Variants in ITPKB observed in about 807,000 individuals in gnomAD.
ITPKB encodes inositol-trisphosphate 3-kinase B.
A neutral mutation model predicts 69.4 loss-of-function variants in ITPKB; 13 were observed. That is an observed-to-expected ratio of 0.19 (90% CI 0.12 to 0.30). The LOEUF (loss-of-function observed/expected upper bound fraction) is 0.30. Ranked by LOEUF, ITPKB falls within the 10% of genes least tolerant of loss-of-function variation. ITPKB has a pLI of 1.00. For missense variants in ITPKB, 1,240 were observed against 1,250.5 expected (o/e 0.99, Z 0.13); for synonymous variants, 584 against 513.7 (o/e 1.14, Z -1.85).
intron 2 of ITPKB, among the ~76,000 whole-genome samples, chr1:226,732,540 CTTTTGTTTT>C (rs1657621619): frequency 1.4e-5 from 2 of 142,206 alleles, no homozygotes; most frequent in African/African-American, 5.3e-5. Flanking sequence ...GCCCAGCGTT[CTTTTGTTTT>C]TTTTTTTTTT....
intron 2 of ITPKB, among the ~76,000 whole-genome samples, chr1:226,673,461 C>CT (rs1669661512): frequency 6.6e-6 from 1 of 152,170 alleles, no homozygotes; most frequent in Admixed American, 6.5e-5. Flanking sequence ...TTACGGAAGG[C>CT]TAACACAAGG....
chr1:226,638,073 G>T (rs966687244), intron 6 of ITPKB, among the ~76,000 whole-genome samples: 1 of 152,192 alleles, frequency 6.6e-6, no homozygotes, highest in Non-Finnish European at 1.5e-5. Flanking sequence ...AGCTCTGTGG[G>T]TCTCACCCCC....
chr1:226,709,824 G>A (rs1656898592), intron 2 of ITPKB, among the ~76,000 whole-genome samples: 1 of 152,190 alleles, frequency 6.6e-6, no homozygotes, highest in African/African-American at 2.4e-5. Context: ...CCCAAGGACA[G>A]TGCTTAACTT....
Position 226,707,629 on chromosome 1 carries a change from T to C in ITPKB, c.1932+27898A>G, listed in dbSNP as rs1368783607. 7.0e-6 allele frequency: 7 copies of C among 997,966 alleles called. No homozygotes were observed. In the Admixed American group the frequency reaches 1.8e-4, roughly 26 times the overall value. The allele number at this position is 997,966 out of a possible 1,614,324, so 61.8% of individuals were successfully genotyped here. On this transcript the variant is annotated intron_variant, in intron 2 of 7. Transcript: ENST00000429204. Reference sequence around the variant, plus strand: ...GCTCAATGGGGATAAATAGGCAGTGTACACATGAGTAACTCAAGGCCATCA... The same window carrying C: ...GCTCAATGGGGATAAATAGGCAGTGCACACATGAGTAACTCAAGGCCATCA...
chr1:226,662,129 C>T (rs1669414287), intron 2 of ITPKB, among the ~76,000 whole-genome samples: 6 of 152,124 alleles, frequency 3.9e-5, no homozygotes, highest in Admixed American at 3.3e-4. Flanking sequence ...ACCCAAACCT[C>T]CCCCAGGGAC....
rs1282391954 is a variant in ITPKB, at chr1:226,736,874, G to A, written c.585C>T (p.Ala195=). ...QPPGRVLVQG[A]RSEERRTKSW... ...ACTTTGTCCTCCGTTCCTCGCTCCG[G>A]GCGCCCTGAACCAGGACCCTTCCAG... Residue 195 remains alanine (A), a synonymous_variant, in exon 2 of 8, where the codon GCC becomes GCT. Transcript: ENST00000429204. 6.2e-7 allele frequency: 1 copy of A among 1,610,950 alleles called. No homozygotes were observed. The highest frequency in any genetic ancestry group is 2.2e-5 in the East Asian group (1 of 44,866).
chr1:226,674,003 A>G (rs192255142), intron 2 of ITPKB, among the ~76,000 whole-genome samples: 5 of 152,156 alleles, frequency 3.3e-5, no homozygotes, highest in Admixed American at 1.3e-4. Flanking sequence ...TTCACGGCCC[A>G]TATATCCTCA....
At chr1:226,635,683 C>T (rs1457066535) in intron 7 of ITPKB, among the ~76,000 whole-genome samples, 1 of 152,232 alleles carries the variant, frequency 6.6e-6, no homozygotes, top group African/African-American at 2.4e-5. Context: ...TGGTGAAGAA[C>T]CTGTTTCAAA....
Position 226,710,177 on chromosome 1 carries a change from T to C in ITPKB, c.1932+25350A>G, listed in dbSNP as rs115101976. On this transcript the variant is annotated intron_variant, in intron 2 of 7. Coordinates refer to ENST00000429204, the MANE Select transcript of ITPKB (RefSeq NM_002221.4). ...AAGTCTGGGGTGGGGCAGCTGGTGA[T>C]TGGCTGGTGATAATGTCCCTCAGAA... Among the ~76,000 whole-genome samples, 631 of 152,200 alleles carry C rather than the reference T, an allele frequency of 4.1e-3. 5 individuals carry two copies. Among genetic ancestry groups the C allele is most frequent in the Non-Finnish European group, 5.9e-3 (401 of 68,004 alleles).
At chr1:226,673,002 T>G (rs1004016595) in intron 2 of ITPKB, among the ~76,000 whole-genome samples, 3 of 152,202 alleles carry the variant, frequency 2.0e-5, no homozygotes, top group African/African-American at 7.2e-5. Context: ...ACCAGAATCC[T>G]GTTTCTGACA....
Position 226,637,930 on chromosome 1 carries a change from A to C in ITPKB, c.2554-180T>G, listed in dbSNP as rs1435976783. 6.6e-6 allele frequency among the ~76,000 whole-genome samples: 1 copy of C among 152,170 alleles called. No homozygotes were observed. Among genetic ancestry groups the C allele is most frequent in the Non-Finnish European group, 1.5e-5 (1 of 68,036 alleles). Reference sequence around the variant, plus strand: ...CGTCTTTCTCAGCATAAATGTCAGTACCTTTGACTTTTGAAAGGACAGGGT... The same window carrying C: ...CGTCTTTCTCAGCATAAATGTCAGTCCCTTTGACTTTTGAAAGGACAGGGT... On this transcript the variant is annotated intron_variant, in intron 6 of 7. Coordinates refer to ENST00000429204, the MANE Select transcript of ITPKB (RefSeq NM_002221.4). This position sits in a 1 kb window ranked among gnomAD's most constrained non-coding sequence, Gnocchi z 4.3.
intron 2 of ITPKB, among the ~76,000 whole-genome samples, chr1:226,731,426 G>A (rs1167696052): frequency 6.6e-6 from 1 of 152,158 alleles, no homozygotes. Flanking sequence ...TCAAGCAAAA[G>A]CACAAAAGTA....
intron 2 of ITPKB, among the ~76,000 whole-genome samples, chr1:226,729,578 T>C (rs1657529183): frequency 6.6e-6 from 1 of 151,698 alleles, no homozygotes; most frequent in Non-Finnish European, 1.5e-5. Context: ...GTTTTTGTTT[T>C]GTTTTTGTTT....
chr1:226,663,142 C>T (rs949580380), intron 2 of ITPKB, among the ~76,000 whole-genome samples: 10 of 152,136 alleles, frequency 6.6e-5, no homozygotes, highest in Admixed American at 1.3e-4. Context: ...GTATGTGTGA[C>T]GATATGTGTG....
Position 226,736,365 on chromosome 1 carries a change from T to A in ITPKB, c.1094A>T (p.Asp365Val). Residue 365 changes from aspartate to valine, a missense_variant, in exon 2 of 8, where the codon GAT (aspartate) becomes GTT (valine). Asp to Val is a radical substitution (Grantham distance 152). Around this residue, in one of 2 missense-constraint regions of ITPKB, gnomAD observed 992 missense variants for 853.8 expected, o/e 1.16. Transcript: ENST00000429204. ...SPAPERGGPR[D>V]GEPPGKMGKG... ...CCCCATCTTCCCAGGGGGTTCTCCA[T>A]CGCGGGGCCCGCCCCTTTCTGGGGC... 1.2e-6 allele frequency: 2 copies of A among 1,612,500 alleles called. No individual in the cohort carries two copies. Among genetic ancestry groups the A allele is most frequent in the Non-Finnish European group, 8.5e-7 (1 of 1,179,816 alleles).
Position 226,637,805 on chromosome 1 carries a change from C to A in ITPKB, c.2554-55G>T. The A allele has an allele frequency of 7.4e-7, 1 of 1,346,012 alleles. No homozygotes were observed. The highest frequency in any genetic ancestry group is 1.2e-5 in the South Asian group (1 of 83,526). 83.4% of individuals were successfully genotyped at this position (1,346,012 alleles called of 1,614,324 possible). A position where few individuals can be genotyped will look rare whatever the true frequency, so the allele number is the denominator to read the frequency against. ...AGCGCCGCGTGGGGAAGGGCAGTGT[C>A]AGAACACCCATGCGGCCTCTAGTGG... is the stretch of plus-strand genomic sequence containing the variant. On this transcript the variant is annotated intron_variant, in intron 6 of 7. Transcript: ENST00000429204. The surrounding 1 kb of genome is among the most constrained non-coding windows in gnomAD (Gnocchi z 4.3).
At chr1:226,682,458 C>G (rs2102774882) in intron 2 of ITPKB, among the ~76,000 whole-genome samples, 1 of 152,322 alleles carries the variant, frequency 6.6e-6, no homozygotes, top group South Asian at 2.1e-4. Context: ...TGAGTCCTAG[C>G]TCCAGCATTT....
At chr1:226,670,938 T>G (rs1669603543) in intron 2 of ITPKB, among the ~76,000 whole-genome samples, 2 of 152,238 alleles carry the variant, frequency 1.3e-5, no homozygotes, top group African/African-American at 4.8e-5. Context: ...AGTTTGCTTT[T>G]ACAATGTAAA....
chr1:226,676,558 C>G (rs1350081729), intron 2 of ITPKB, among the ~76,000 whole-genome samples: 1 of 152,222 alleles, frequency 6.6e-6, no homozygotes, highest in Admixed American at 6.5e-5. Context: ...CAAGACATGC[C>G]CTTCCCGGCT....
Sources: gnomAD v4.1 joint callset for allele counts (sites outside exome capture counted in the v4.1 genomes callset) on GRCh38, gnomAD v4.1.1 for gene constraint, gnomAD v4.1.1 regional missense constraint, Gnocchi (gnomAD v3.1) non-coding constraint, MANE v1.5 for transcripts, NCBI Gene and HGNC (gene_info 2026-07-23, HGNC 2026-07-21) for gene names.